Variants in TAFA4 observed in about 807,000 individuals in gnomAD.
The protein encoded by TAFA4 is TAFA chemokine like family member 4, also known as chemokine-like protein TAFA-4.
In TAFA4, 20 loss-of-function variants were observed where a neutral mutation model predicts 21.1. The ratio of observed to expected loss-of-function variants is 0.95; its 90% CI spans 0.67 to 1.38. The LOEUF (loss-of-function observed/expected upper bound fraction) is 1.38. Among genes scored for constraint, TAFA4 ranks in the 40% most tolerant of loss-of-function variants. The pLI is 0.00. For missense variants in TAFA4, 211 were observed against 180.9 expected (o/e 1.17, Z -0.95); for synonymous variants, 71 against 67.4 (o/e 1.05, Z -0.26).
chr3:68,785,618 G>A (rs1474476740), intron 3 of TAFA4, among the ~76,000 whole-genome samples: 2 of 152,210 alleles, frequency 1.3e-5, no homozygotes, highest in Non-Finnish European at 1.5e-5. Flanking sequence ...CAAGCACCGC[G>A]TGCAGCCCCG....
At chr3:68,779,331 A>T (rs921162905) in intron 3 of TAFA4, among the ~76,000 whole-genome samples, 3 of 152,178 alleles carry the variant, frequency 2.0e-5, no homozygotes, top group Non-Finnish European at 4.4e-5. Flanking sequence ...CTGAGGAAAA[A>T]TTCAAGCCAG....
At chr3:68,815,097 A>T (rs1294342500) in intron 3 of TAFA4, among the ~76,000 whole-genome samples, 1 of 152,202 alleles carries the variant, frequency 6.6e-6, no homozygotes, top group Non-Finnish European at 1.5e-5. Flanking sequence ...GTGCTGGGAA[A>T]CCTGGCTAGC....
intron 1 of TAFA4, among the ~76,000 whole-genome samples, chr3:68,895,799 G>T (rs954227281): frequency 6.6e-6 from 1 of 152,190 alleles, no homozygotes; most frequent in African/African-American, 2.4e-5. Context: ...ATTATAGCAT[G>T]TGGAGACAAA....
intron 3 of TAFA4, among the ~76,000 whole-genome samples, chr3:68,754,148 A>G (rs1436541397): frequency 6.6e-6 from 1 of 152,170 alleles, no homozygotes; most frequent in Non-Finnish European, 1.5e-5. Context: ...TTCACTGTGT[A>G]TTTTCTAAAA....
At chr3:68,886,036 T>A (rs2089669355) in intron 1 of TAFA4, among the ~76,000 whole-genome samples, 1 of 152,134 alleles carries the variant, frequency 6.6e-6, no homozygotes, top group Non-Finnish European at 1.5e-5. Flanking sequence ...GTTAAATACA[T>A]CCCTCCCAGT....
chr3:68,747,493 G>A (rs1053154116), intron 4 of TAFA4, among the ~76,000 whole-genome samples: 1 of 152,144 alleles, frequency 6.6e-6, no homozygotes, highest in Admixed American at 6.5e-5. Context: ...TGCCATGTAA[G>A]ACATGCCTTT....
chr3:68,735,892 G>C (rs546080017), intron 5 of TAFA4, among the ~76,000 whole-genome samples: 84 of 152,112 alleles, frequency 5.5e-4, no homozygotes, highest in African/African-American at 1.9e-3. Context: ...TGCTTTGTAG[G>C]ATGTTTAGTA....
At chr3:68,870,793 T>C (rs1352194081) in intron 3 of TAFA4, among the ~76,000 whole-genome samples, 1 of 152,124 alleles carries the variant, frequency 6.6e-6, no homozygotes, top group Non-Finnish European at 1.5e-5. Flanking sequence ...ATCAATGTGT[T>C]CTCATTGTTC....
intron 3 of TAFA4, among the ~76,000 whole-genome samples, chr3:68,787,661 C>T (rs1703286084): frequency 6.6e-6 from 1 of 152,216 alleles, no homozygotes; most frequent in Non-Finnish European, 1.5e-5. Flanking sequence ...AGCAGCAACA[C>T]TTGCAAATAA....
In TAFA4 at chr3:68,926,355, A is replaced by C. The variant is rs189415874; in HGVS notation, c.-123+5885T>G. ...AAAATTGGGTGGGTTTCTTTTTTTT[A>C]ACTTTCCTTTTATATTTTTCTGCAA... On this transcript the variant is annotated intron_variant, in intron 1 of 5. Coordinates refer to ENST00000295569, the MANE Select transcript of TAFA4 (RefSeq NM_182522.5). 2.2e-3 allele frequency among the ~76,000 whole-genome samples: 326 copies of C among 151,594 alleles called. 1 individual carries two copies. The highest frequency in any genetic ancestry group is 7.7e-3 in the African/African-American group (318 of 41,498).
intron 3 of TAFA4, among the ~76,000 whole-genome samples, chr3:68,813,105 T>C: frequency 6.6e-6 from 1 of 151,930 alleles, no homozygotes; most frequent in Non-Finnish European, 1.5e-5. Context: ...AAGGCAGAAA[T>C]AAAGATGTTC....
At position 68,920,211 on chromosome 3, in the gene TAFA4, C is replaced by A. The variant is rs150904500; in HGVS notation, c.-123+12029G>T. Among the ~76,000 whole-genome samples, 164 of 152,246 alleles carry A rather than the reference C, an allele frequency of 1.1e-3. 1 individual carries two copies. Among genetic ancestry groups the A allele is most frequent in the African/African-American group, 3.7e-3 (154 of 41,558 alleles). ...CTGTGTATGTATAAACGTGGATAAT[C>A]TCCAAGACACCAGTAAGCAAAAAAA... On this transcript the variant is annotated intron_variant, in intron 1 of 5. Coordinates refer to ENST00000295569, the MANE Select transcript of TAFA4 (RefSeq NM_182522.5).
At chr3:68,759,604 A>G (rs1240624714) in intron 3 of TAFA4, among the ~76,000 whole-genome samples, 2 of 152,214 alleles carry the variant, frequency 1.3e-5, no homozygotes, top group Non-Finnish European at 2.9e-5. Context: ...GCAGGGGAAC[A>G]TAATGGTGTG....
chr3:68,758,758 T>G (rs144928325), intron 3 of TAFA4, among the ~76,000 whole-genome samples: 1 of 152,342 alleles, frequency 6.6e-6, no homozygotes, highest in East Asian at 1.9e-4. Context: ...CAAAGCCTGA[T>G]GGCAGAAAAT....
At chr3:68,763,679 A>G (rs1307326497) in intron 3 of TAFA4, among the ~76,000 whole-genome samples, 1 of 152,062 alleles carries the variant, frequency 6.6e-6, no homozygotes, top group Non-Finnish European at 1.5e-5. Context: ...TCAAAACACT[A>G]CCTTTTCTAA....
intron 3 of TAFA4, among the ~76,000 whole-genome samples, chr3:68,755,422 T>C (rs1001121690): frequency 6.6e-6 from 1 of 152,144 alleles, no homozygotes; most frequent in African/African-American, 2.4e-5. Flanking sequence ...GTAATTCCAC[T>C]CTGAACCTGC....
At chr3:68,884,368 G>A (rs35179595) in intron 2 of TAFA4, among the ~76,000 whole-genome samples, 4 of 152,258 alleles carry the variant, frequency 2.6e-5, no homozygotes, top group South Asian at 2.1e-4. Context: ...GATCTGTGGG[G>A]TGGCCATCTC....
intron 3 of TAFA4, among the ~76,000 whole-genome samples, chr3:68,784,538 C>T (rs530296266): frequency 9.2e-5 from 14 of 151,802 alleles, no homozygotes; most frequent in African/African-American, 3.1e-4. Flanking sequence ...TCGTTCCTCC[C>T]AGTGGGTTTG....
At position 68,732,941 on chromosome 3, in the gene TAFA4, G is replaced by A. The variant is rs1461451493; in HGVS notation, c.*201C>T. ...GATGTCAAATGGGTGGTGGCTTGTG[G>A]TTATAATTCAATGAAATAAAATCAC... On this transcript the variant is annotated 3_prime_UTR_variant, in exon 6 of 6. Transcript: ENST00000295569. 1.6e-6 allele frequency: 1 copy of A among 608,810 alleles called. No individual in the cohort carries two copies. The highest frequency in any genetic ancestry group is 1.8e-5 in the African/African-American group (1 of 54,090). The allele number at this position is 608,810 out of a possible 1,614,324, so 37.7% of individuals were successfully genotyped here.
Sources: allele counts gnomAD v4.1 joint callset (sites outside exome capture counted in the v4.1 genomes callset), GRCh38; gene constraint gnomAD v4.1.1; transcripts MANE v1.5; gene names NCBI Gene and HGNC (gene_info 2026-07-23, HGNC 2026-07-21).